Variants in VPS4A observed in about 807,000 individuals in gnomAD.
VPS4A encodes vacuolar protein sorting 4 homolog A, also known as vacuolar protein sorting-associated protein 4A.
In VPS4A, 20 loss-of-function variants were observed where a neutral mutation model predicts 52.3. That is an observed-to-expected ratio of 0.38 (90% CI 0.27 to 0.56). The LOEUF is 0.56. Among genes scored for constraint, VPS4A ranks in the 20% least tolerant of loss-of-function variants. The pLI is 0.72. For synonymous variants in VPS4A, 293 were observed against 227.7 expected, an observed-to-expected ratio of 1.29 and a Z score of -2.58; for missense variants, 419 against 575.9, an observed-to-expected ratio of 0.73 and a Z score of 2.79.
At chr16:69,322,388 A>G (rs1965524184) in intron 9 of VPS4A, 172 bp from the exon 10 acceptor site, 1 of 587,958 alleles carries the variant, frequency 1.7e-6, no homozygotes, top group Non-Finnish European at 2.9e-6. Flanking sequence ...CCAGAGTCCC[A>G]TGCAAATCAT....
In VPS4A at chr16:69,311,401, C is replaced by T. The variant is rs914056733; in HGVS notation, c.-111C>T. On this transcript the variant is annotated 5_prime_UTR_variant, in exon 1 of 11. Coordinates refer to ENST00000254950, the MANE Select transcript of VPS4A (RefSeq NM_013245.3). ...GCGGCCGCCCTGCCCGCGCACCGCGCTCAGCGCCCACCGCCGGGCTTCCCG... is the reference window on the plus strand; with the variant it reads ...GCGGCCGCCCTGCCCGCGCACCGCGTTCAGCGCCCACCGCCGGGCTTCCCG... 1.4e-4 allele frequency: 165 copies of T among 1,171,042 alleles called. 1 individual carries two copies. The highest frequency in any genetic ancestry group is 1.1e-3 in the African/African-American group (69 of 62,218). 72.5% of individuals were successfully genotyped at this position (1,171,042 alleles called of 1,614,324 possible). A position where few individuals can be genotyped will look rare whatever the true frequency, so the allele number is the denominator to read the frequency against.
chr16:69,315,982 C>G, intron 1 of VPS4A, 26 bp from the exon 2 acceptor site: 2 of 1,606,218 alleles, frequency 1.2e-6, no homozygotes, highest in Non-Finnish European at 1.7e-6. Flanking sequence ...CGAGGAAGCA[C>G]TGAGCCATTT....
At chr16:69,319,289 A>G (rs1965480409) in intron 5 of VPS4A, 98 bp from the exon 6 acceptor site, 1 of 1,510,050 alleles carries the variant, frequency 6.6e-7, no homozygotes, top group South Asian at 1.3e-5. Context: ...GTTTCACAGA[A>G]TGCCCTGTTT....
At chr16:69,322,865 C>G (rs535260117) in intron 10 of VPS4A, 165 bp downstream of exon 10, 2 of 736,126 alleles carry the variant, frequency 2.7e-6, no homozygotes, top group Admixed American at 3.3e-5. Context: ...GTTAGGAGTT[C>G]GAGACCAGCC....
intron 3 of VPS4A, among the ~76,000 whole-genome samples, chr16:69,318,224 C>T (rs750049637): frequency 2.6e-5 from 4 of 152,180 alleles, no homozygotes; most frequent in Non-Finnish European, 5.9e-5. Context: ...CCTCCCGCCT[C>T]AGCCTCCCAG....
At chr16:69,311,616 C>A in intron 1 of VPS4A, 84 bp downstream of exon 1, 2 of 1,204,290 alleles carry the variant, frequency 1.7e-6, no homozygotes, top group South Asian at 4.0e-5. Flanking sequence ...GGCGGGTGGT[C>A]AGGTGGGCGC....
intron 10 of VPS4A, chr16:69,323,803 A>G: frequency 2.6e-6 from 1 of 379,044 alleles, no homozygotes; most frequent in Non-Finnish European, 5.3e-6. Context: ...TACAAAAATC[A>G]GCCATGTGTG....
chr16:69,313,006 T>A (rs1965395740), intron 1 of VPS4A, among the ~76,000 whole-genome samples: 2 of 151,704 alleles, frequency 1.3e-5, no homozygotes, highest in African/African-American at 4.9e-5. Flanking sequence ...TTTGAGACAG[T>A]CTCATTCTGT....
At chr16:69,323,563 G>A (rs1463244886) in intron 10 of VPS4A, 6 of 447,576 alleles carry the variant, frequency 1.3e-5, no homozygotes, top group African/African-American at 2.0e-5. Flanking sequence ...AGACTGTGAC[G>A]CAGTTGCAAA....
At position 69,323,943 on chromosome 16, in the gene VPS4A, CCAAAAAAAA is replaced by C. The variant is rs1221546530; in HGVS notation, c.1213-264_1213-256del. ...CCAGCCTGGGTGACAGACTCCGTCT[CCAAAAAAAA>C]AAAAAAAAAAAAAGAAAGCAAGTTC... On this transcript the variant is annotated intron_variant, in intron 10 of 10. Transcript: ENST00000254950. 3.8e-4 allele frequency among the ~76,000 whole-genome samples: 41 copies of C among 108,652 alleles called. No homozygotes were observed. The South Asian group carries it at 8.7e-3, about 23-fold the overall frequency. The allele number at this position is 108,652 out of a possible 152,430, so 71.3% of individuals were successfully genotyped here.
Position 69,321,020 on chromosome 16 carries a change from G to A in VPS4A, c.852-31G>A, listed in dbSNP as rs1467792303. 6.5e-7 allele frequency: 1 copy of A among 1,548,288 alleles called. No homozygotes were observed. On this transcript the variant is annotated intron_variant, in intron 8 of 10. Coordinates refer to ENST00000254950, the MANE Select transcript of VPS4A (RefSeq NM_013245.3). This position sits in a 1 kb window ranked among gnomAD's most constrained non-coding sequence, Gnocchi z 4.5. ...CGTGAATACCATTCCATCATCCGCTGTCAACTCCTGCCGTGTGCTGGGCTC... is the reference window on the plus strand; with the variant it reads ...CGTGAATACCATTCCATCATCCGCTATCAACTCCTGCCGTGTGCTGGGCTC...
At position 69,321,102 on chromosome 16, in the gene VPS4A, G is replaced by A. The variant is rs953227769; in HGVS notation, c.903G>A (p.Gln301=). The change falls in exon 9 of 11, where the codon CAG becomes CAA. Residue 301 remains glutamine, a synonymous_variant. Coordinates refer to ENST00000254950, the MANE Select transcript of VPS4A (RefSeq NM_013245.3). The surrounding 1 kb of genome is among the most constrained non-coding windows in gnomAD (Gnocchi z 4.5). ...IPLPEEAARA[Q]MFRLHLGSTP... is the part of the protein sequence containing the mutation. ...TGCCGGAGGAAGCTGCCCGCGCCCAGATGTTCCGGTTGCATCTCGGGAGCA... is the reference window on the plus strand; with the variant it reads ...TGCCGGAGGAAGCTGCCCGCGCCCAAATGTTCCGGTTGCATCTCGGGAGCA... The A allele has an allele frequency of 1.3e-6, 2 of 1,597,210 alleles. No individual in the cohort carries two copies. Among genetic ancestry groups the A allele is most frequent in the Non-Finnish European group, 1.7e-6 (2 of 1,172,146 alleles).
Position 69,320,039 on chromosome 16 carries a change from C to G in VPS4A, c.621-102C>G. ...TTCCGCAATTCCGGCATGACCGTGG[C>G]CTGCGCCTCCCTGTGGGAAGGGTGA... On this transcript the variant is annotated intron_variant, in intron 6 of 10. Transcript: ENST00000254950. The surrounding 1 kb of genome is among the most constrained non-coding windows in gnomAD (Gnocchi z 4.2). 1 of 1,448,062 alleles carries G rather than the reference C, an allele frequency of 6.9e-7. No individual in the cohort carries two copies. The highest frequency in any genetic ancestry group is 9.3e-7 in the Non-Finnish European group (1 of 1,078,380). 89.7% of individuals were successfully genotyped at this position (1,448,062 alleles called of 1,614,324 possible).
chr16:69,319,262 T>C (rs1965479720), intron 5 of VPS4A, 125 bp from the exon 6 acceptor site: 3 of 1,383,238 alleles, frequency 2.2e-6, no homozygotes, highest in Non-Finnish European at 2.9e-6. Flanking sequence ...ATCACTTGTT[T>C]GCCAGTAGAG....
intron 1 of VPS4A, among the ~76,000 whole-genome samples, 173 bp from the exon 2 acceptor site, chr16:69,315,835 T>C (rs153050): frequency 0.66 from 100,318 of 151,992 alleles, 33,265 homozygotes; most frequent in African/African-American, 0.7. Context: ...TTCAAAGCCT[T>C]CTTTGAAGGC....
In VPS4A at chr16:69,316,315, G is replaced by A. The variant is rs759385403; in HGVS notation, c.224G>A (p.Arg75Gln). Residue 75 changes from arginine (R) to glutamine (Q), a missense_variant, in exon 3 of 11, where the codon CGA (arginine) becomes CAA (glutamine). Physicochemically the swap from Arg to Gln is conservative, Grantham distance 43. This residue lies in a region of VPS4A where 131 missense variants were observed against 165.4 expected (regional missense o/e 0.79). Transcript: ENST00000254950. ...GCCGAGAAGCTGAAGGATTATTTAC[G>A]AAGCAAAGAGAAACACGGCAAGAAG... ...DRAEKLKDYL[R>Q]SKEKHGKKPV... 7 of 1,613,834 alleles carry A rather than the reference G, an allele frequency of 4.3e-6. No individual in the cohort carries two copies. Among genetic ancestry groups the A allele is most frequent in the Admixed American group, 1.7e-5 (1 of 60,018 alleles).
Position 69,311,452 on chromosome 16 carries a change from CG to C in VPS4A, c.-56del. 1 of 1,252,088 alleles carries C rather than the reference CG, an allele frequency of 8.0e-7. No homozygotes were observed. Among genetic ancestry groups the C allele is most frequent in the Non-Finnish European group, 1.0e-6 (1 of 989,430 alleles). 77.6% of individuals were successfully genotyped at this position (1,252,088 alleles called of 1,614,324 possible). A position where few individuals can be genotyped will look rare whatever the true frequency, so the allele number is the denominator to read the frequency against. On this transcript the variant is annotated 5_prime_UTR_variant, in exon 1 of 11. Transcript: ENST00000254950. The stretch of plus-strand genomic sequence containing the variant: ...CGCCGGACCCAGTACCTCGGCTCCC[CG>C]GGGCCGGACCGAGGCCGCAAGCAGC...
chr16:69,323,731 CCT>C (rs1965543735), intron 10 of VPS4A: 2 of 450,176 alleles, frequency 4.4e-6, no homozygotes, highest in East Asian at 1.4e-4. Flanking sequence ...GGGCAGATCG[CCT>C]GAGGTCAGGA....
Position 69,325,065 on chromosome 16 carries a change from T to C in VPS4A, c.*756T>C, listed in dbSNP as rs887977980. ...GCTACCCAAGTGATCTCATCTTTCCTTGACTCTTAACTGAGACTCTGAAGG... is the reference window on the plus strand; with the variant it reads ...GCTACCCAAGTGATCTCATCTTTCCCTGACTCTTAACTGAGACTCTGAAGG... On this transcript the variant is annotated 3_prime_UTR_variant, in exon 11 of 11. Transcript: ENST00000254950. 3 of 152,278 alleles carry C rather than the reference T, an allele frequency of 2.0e-5. No individual in the cohort carries two copies. Among genetic ancestry groups the C allele is most frequent in the Non-Finnish European group, 4.4e-5 (3 of 68,084 alleles). 9.4% of individuals were successfully genotyped at this position (152,278 alleles called of 1,614,324 possible).
Sources: allele counts gnomAD v4.1 joint callset (sites outside exome capture counted in the v4.1 genomes callset), GRCh38; gene constraint gnomAD v4.1.1; regional missense constraint gnomAD v4.1.1; non-coding constraint Gnocchi (gnomAD v3.1); transcripts MANE v1.5; gene names NCBI Gene and HGNC (gene_info 2026-07-23, HGNC 2026-07-21).